Variants in PIK3C2G observed in about 807,000 individuals in gnomAD.
PIK3C2G encodes phosphatidylinositol-4-phosphate 3-kinase catalytic subunit type 2 gamma, also known as phosphatidylinositol 3-kinase C2 domain-containing subunit gamma.
Under a neutral mutation model 181.1 loss-of-function variants are expected in PIK3C2G, and 168 were observed. The observed-to-expected ratio is 0.93, with a 90% confidence interval of 0.82 to 1.05. PIK3C2G has a LOEUF of 1.05. Ranked by LOEUF, PIK3C2G falls within the 50% of genes least tolerant of loss-of-function variation. The pLI is 0.00. For missense variants in PIK3C2G, 1,869 were observed against 1,732.8 expected (o/e 1.08, Z -1.40); for synonymous variants, 573 against 592.2 (o/e 0.97, Z 0.47).
At chr12:18,444,828 T>C (rs533696056) in intron 18 of PIK3C2G, among the ~76,000 whole-genome samples, 85 of 152,276 alleles carry the variant, frequency 5.6e-4, no homozygotes, top group African/African-American at 1.9e-3. Context: ...AAGTTTGATA[T>C]GTTCATACAC....
intron 15 of PIK3C2G, among the ~76,000 whole-genome samples, chr12:18,394,391 G>C (rs1297815873): frequency 6.6e-6 from 1 of 151,974 alleles, no homozygotes; most frequent in East Asian, 1.9e-4. Flanking sequence ...CAATAATTGA[G>C]AAAACTATTG....
chr12:18,493,965 C>T (rs1298705993), intron 20 of PIK3C2G, among the ~76,000 whole-genome samples: 1 of 152,178 alleles, frequency 6.6e-6, no homozygotes, highest in Non-Finnish European at 1.5e-5. Context: ...GTGGGAGGAA[C>T]TGAATGCAAT....
At chr12:18,528,151 A>G (rs1460823239) in intron 24 of PIK3C2G, among the ~76,000 whole-genome samples, 1 of 152,142 alleles carries the variant, frequency 6.6e-6, no homozygotes, top group Non-Finnish European at 1.5e-5. Flanking sequence ...ATCCTATCCA[A>G]TGGAGATTCC....
At chr12:18,507,279 T>C (rs1941895438) in intron 24 of PIK3C2G, among the ~76,000 whole-genome samples, 1 of 152,130 alleles carries the variant, frequency 6.6e-6, no homozygotes, top group Non-Finnish European at 1.5e-5. Context: ...ATCTCCTGCC[T>C]CGGCCTCCCA....
chr12:18,699,019 C>T, the PIK3C2G span, among the ~76,000 whole-genome samples: 1 of 152,280 alleles, frequency 6.6e-6, no homozygotes, highest in African/African-American at 2.4e-5. Flanking sequence ...GGACATTCCC[C>T]ACATAATGAG....
At chr12:18,488,286 G>C (rs1940242421) in intron 18 of PIK3C2G, among the ~76,000 whole-genome samples, 163 bp from the exon 19 acceptor site, 1 of 152,056 alleles carries the variant, frequency 6.6e-6, no homozygotes, top group Non-Finnish European at 1.5e-5. Context: ...GATGGAACTT[G>C]ATGACTGTCA....
chr12:18,655,054 T>TTA, the PIK3C2G span, among the ~76,000 whole-genome samples: 1 of 151,088 alleles, frequency 6.6e-6, no homozygotes, highest in South Asian at 2.1e-4. Flanking sequence ...GAAACAATAA[T>TTA]AAAAAAAAAT....
At chr12:18,372,074 ATTT>A in intron 13 of PIK3C2G, among the ~76,000 whole-genome samples, 1 of 152,244 alleles carries the variant, frequency 6.6e-6, no homozygotes, top group East Asian at 1.9e-4. Flanking sequence ...ATACAAAAAT[ATTT>A]TTTTAATTTA....
the PIK3C2G span, among the ~76,000 whole-genome samples, chr12:18,720,417 T>C: frequency 2.6e-5 from 4 of 151,340 alleles, no homozygotes; most frequent in African/African-American, 9.7e-5. Flanking sequence ...TCTGATCATC[T>C]TTAGTAATTA....
intron 29 of PIK3C2G, among the ~76,000 whole-genome samples, chr12:18,578,304 GT>G (rs552074740): frequency 6.6e-6 from 1 of 151,898 alleles, no homozygotes; most frequent in Admixed American, 6.6e-5. Context: ...CACACGTTGG[GT>G]TTTTTTTCCT....
chr12:18,596,098 A>G (rs1947345423), intron 30 of PIK3C2G, among the ~76,000 whole-genome samples: 1 of 152,106 alleles, frequency 6.6e-6, no homozygotes, highest in Non-Finnish European at 1.5e-5. Context: ...TAAATGATTG[A>G]TGACAGAAAG....
chr12:18,626,841 T>C (rs1167861891), intron 31 of PIK3C2G, among the ~76,000 whole-genome samples: 2 of 152,032 alleles, frequency 1.3e-5, no homozygotes, highest in African/African-American at 4.8e-5. Flanking sequence ...TTTTAATAGT[T>C]TGATTCTTAT....
At chr12:18,336,629 A>G (rs796177544) in intron 8 of PIK3C2G, among the ~76,000 whole-genome samples, 1 of 152,190 alleles carries the variant, frequency 6.6e-6, no homozygotes, top group Non-Finnish European at 1.5e-5. Context: ...TAAGTGAAAT[A>G]AATGATTTTT....
chr12:18,247,132 C>T (rs1043789621), upstream of PIK3C2G, among the ~76,000 whole-genome samples: 13 of 152,094 alleles, frequency 8.5e-5, no homozygotes, highest in African/African-American at 2.9e-4. Flanking sequence ...CTCCTAAGTC[C>T]CATTTCCTAA....
intron 11 of PIK3C2G, among the ~76,000 whole-genome samples, chr12:18,347,457 T>A (rs1939777776): frequency 6.6e-6 from 1 of 152,184 alleles, no homozygotes; most frequent in Admixed American, 6.6e-5. Flanking sequence ...GTAATGGATT[T>A]ATTATACTTA....
chr12:18,640,598 T>A (rs1288234030), intron 32 of PIK3C2G, 44 bp downstream of exon 32: 1 of 1,527,824 alleles, frequency 6.5e-7, no homozygotes, highest in Admixed American at 2.1e-5. Flanking sequence ...GTATTTTTCT[T>A]ACCATTTTTC....
intron 29 of PIK3C2G, among the ~76,000 whole-genome samples, chr12:18,593,576 A>G (rs568812293): frequency 6.6e-6 from 1 of 151,978 alleles, no homozygotes; most frequent in East Asian, 2.0e-4. Flanking sequence ...AGTCCAGGGA[A>G]ATAATCAATT....
At position 18,559,060 on chromosome 12, in the gene PIK3C2G, G is replaced by C. The variant is rs1310048638; in HGVS notation, c.3591-3643G>C. Among the ~76,000 whole-genome samples the C allele has an allele frequency of 2.0e-5, 3 of 152,098 alleles. No homozygotes were observed. The East Asian group carries it at 5.8e-4, about 29-fold the overall frequency. The stretch of plus-strand genomic sequence containing the variant: ...GTCTCTGTGTTTGCACAAATATATA[G>C]AGAAAGTTCAAAAAAGAATGATGTC... On this transcript the variant is annotated intron_variant, in intron 26 of 32. Transcript: ENST00000538779.
intron 26 of PIK3C2G, among the ~76,000 whole-genome samples, chr12:18,547,377 A>T (rs553736651): frequency 6.6e-6 from 1 of 152,100 alleles, no homozygotes; most frequent in South Asian, 2.1e-4. Context: ...TTTCTGTTTC[A>T]TGAACTTGAA....
Sources: allele counts gnomAD v4.1 joint callset (sites outside exome capture counted in the v4.1 genomes callset), GRCh38; gene constraint gnomAD v4.1.1; transcripts MANE v1.5; gene names NCBI Gene and HGNC (gene_info 2026-07-23, HGNC 2026-07-21).